Variants in LRFN5 observed in about 807,000 individuals in gnomAD.
LRFN5 encodes the protein leucine rich repeat and fibronectin type III domain containing 5, also known as leucine-rich repeat and fibronectin type-III domain-containing protein 5.
LRFN5 carries 24 observed loss-of-function variants against 45.6 expected under a neutral mutation model. The ratio of observed to expected loss-of-function variants is 0.53; its 90% confidence interval spans 0.38 to 0.74. LRFN5 has a LOEUF of 0.74. Ranked by LOEUF, LRFN5 falls within the 30% of genes least tolerant of loss-of-function variation. The probability of loss-of-function intolerance (pLI) is 0.00; values close to 1 mark genes in which losing one functional copy is unlikely to be tolerated. For synonymous variants in LRFN5, 340 were observed against 313.8 expected, an observed-to-expected ratio of 1.08 and a Z score of -0.88; for missense variants, 776 against 861.5, an observed-to-expected ratio of 0.90 and a Z score of 1.24.
intron 2 of LRFN5, among the ~76,000 whole-genome samples, chr14:41,882,661 T>G (rs1384003320): frequency 6.6e-6 from 1 of 152,142 alleles, no homozygotes; most frequent in East Asian, 1.9e-4. Context: ...GTGTTAATAT[T>G]TTCTCACTGC....
intron 1 of LRFN5, among the ~76,000 whole-genome samples, chr14:41,765,644 ATGAT>A (rs1301593016): frequency 6.6e-6 from 1 of 152,232 alleles, no homozygotes; most frequent in African/African-American, 2.4e-5. Flanking sequence ...TGGTTGTCAA[ATGAT>A]TGATTTATAT....
At chr14:41,625,708 T>A (rs1888307117) in intron 1 of LRFN5, among the ~76,000 whole-genome samples, 2 of 152,154 alleles carry the variant, frequency 1.3e-5, no homozygotes, top group South Asian at 4.1e-4. Context: ...TATTTAACTT[T>A]ATTTGACCTA....
At chr14:41,819,966 T>TC (rs1888056960) in intron 2 of LRFN5, among the ~76,000 whole-genome samples, 1 of 150,198 alleles carries the variant, frequency 6.7e-6, no homozygotes, top group South Asian at 2.1e-4. Context: ...TTTGTTTTTT[T>TC]TTTTATTTTT....
At chr14:41,817,791 C>T (rs1312477519) in intron 2 of LRFN5, among the ~76,000 whole-genome samples, 2 of 152,010 alleles carry the variant, frequency 1.3e-5, no homozygotes, top group Non-Finnish European at 2.9e-5. Flanking sequence ...GGGTAAGGGC[C>T]CCTGATGACT....
chr14:41,753,909 A>C (rs1885252149), intron 1 of LRFN5, among the ~76,000 whole-genome samples: 1 of 152,052 alleles, frequency 6.6e-6, no homozygotes, highest in South Asian at 2.1e-4. Context: ...TTTGTCATAG[A>C]TAGCTCTTAT....
At position 41,900,554 on chromosome 14, in the gene LRFN5, A is replaced by G. The variant is rs965487043; in HGVS notation, c.2142+1594A>G. ...AAATGACTGTCATATATTATAGAAAACTTCCCTTCATACTTAAGCTACCTT... is the reference window on the plus strand; with the variant it reads ...AAATGACTGTCATATATTATAGAAAGCTTCCCTTCATACTTAAGCTACCTT... On this transcript the variant is annotated intron_variant, in intron 5 of 5. Transcript: ENST00000298119. 2.6e-5 allele frequency among the ~76,000 whole-genome samples: 4 copies of G among 152,236 alleles called. No homozygotes were observed. In the East Asian group the frequency reaches 5.8e-4, roughly 22 times the overall value.
chr14:41,750,267 T>TTATATATATA (rs60275061), intron 1 of LRFN5, among the ~76,000 whole-genome samples: 16 of 144,386 alleles, frequency 1.1e-4, no homozygotes, highest in African/African-American at 1.8e-4. Flanking sequence ...GTAACTTTTC[T>TTATATATATA]TATATATATA....
chr14:41,737,249 A>G (rs1339590792), intron 1 of LRFN5, among the ~76,000 whole-genome samples: 3 of 152,176 alleles, frequency 2.0e-5, no homozygotes, highest in South Asian at 4.1e-4. Context: ...AATGGCAAAA[A>G]ACACATGATT....
intron 1 of LRFN5, among the ~76,000 whole-genome samples, chr14:41,729,057 G>C (rs889642993): frequency 6.6e-6 from 1 of 152,168 alleles, no homozygotes; most frequent in Non-Finnish European, 1.5e-5. Context: ...AATGAGCTCA[G>C]TTTTTGCAGT....
intron 1 of LRFN5, among the ~76,000 whole-genome samples, chr14:41,691,403 T>C (rs749253470): frequency 5.9e-5 from 9 of 152,112 alleles, no homozygotes; most frequent in Non-Finnish European, 1.3e-4. Flanking sequence ...TAGTTGTCTG[T>C]TATTATTTCT....
At chr14:41,875,816 A>C (rs1890166414) in intron 2 of LRFN5, among the ~76,000 whole-genome samples, 3 of 152,162 alleles carry the variant, frequency 2.0e-5, no homozygotes, top group Non-Finnish European at 4.4e-5. Context: ...TTGGAAACTG[A>C]GTCATGTAAT....
chr14:41,617,671 C>T (rs185996620), intron 1 of LRFN5, among the ~76,000 whole-genome samples: 78 of 152,080 alleles, frequency 5.1e-4, no homozygotes, highest in African/African-American at 1.6e-3. Flanking sequence ...GTATTTGCAT[C>T]CTGAGTCTGG....
At chr14:41,752,295 G>A (rs1885169009) in intron 1 of LRFN5, among the ~76,000 whole-genome samples, 1 of 152,100 alleles carries the variant, frequency 6.6e-6, no homozygotes, top group Non-Finnish European at 1.5e-5. Flanking sequence ...TAGGATGGCT[G>A]GGTCAAATGG....
At chr14:41,667,983 T>G (rs1476713479) in intron 1 of LRFN5, among the ~76,000 whole-genome samples, 1 of 152,170 alleles carries the variant, frequency 6.6e-6, no homozygotes, top group Non-Finnish European at 1.5e-5. Context: ...ATTTTGTTAT[T>G]GCACAGCTGG....
chr14:41,803,484 TA>T (rs1414474126), intron 2 of LRFN5, among the ~76,000 whole-genome samples: 1 of 151,942 alleles, frequency 6.6e-6, no homozygotes, highest in East Asian at 1.9e-4. Context: ...CCTGAGTAGC[TA>T]GGACTACAAG....
intron 1 of LRFN5, among the ~76,000 whole-genome samples, chr14:41,650,266 C>CACACACACACAAAAA (rs1247683262): frequency 1.4e-4 from 19 of 135,512 alleles, no homozygotes; most frequent in African/African-American, 5.1e-4. Flanking sequence ...CACACACACA[C>CACACACACACAAAAA]AAAAAAAAAA....
chr14:41,869,708 G>A (rs1889954580), intron 2 of LRFN5, among the ~76,000 whole-genome samples: 1 of 152,016 alleles, frequency 6.6e-6, no homozygotes, highest in South Asian at 2.1e-4. Context: ...CTTACATGGT[G>A]GCAGACAAGA....
At chr14:41,855,550 TG>T (rs370540350) in intron 2 of LRFN5, among the ~76,000 whole-genome samples, 37 of 152,266 alleles carry the variant, frequency 2.4e-4, no homozygotes, top group Middle Eastern at 3.4e-3. Flanking sequence ...TCGTAGGTAC[TG>T]GGGTGTATTT....
intron 2 of LRFN5, among the ~76,000 whole-genome samples, chr14:41,875,353 C>T (rs1890152525): frequency 6.6e-6 from 1 of 152,242 alleles, no homozygotes; most frequent in Non-Finnish European, 1.5e-5. Context: ...ATCTTCACAG[C>T]CTCTTAGCAC....
Sources: allele counts gnomAD v4.1 joint callset (sites outside exome capture counted in the v4.1 genomes callset), GRCh38; gene constraint gnomAD v4.1.1; transcripts MANE v1.5; gene names NCBI Gene and HGNC (gene_info 2026-07-23, HGNC 2026-07-21).